HYDIN: variants seen among roughly 807,000 people sequenced by gnomAD.
The protein encoded by HYDIN is axonemal central pair apparatus protein HYDIN.
Under a neutral mutation model 403.9 loss-of-function variants are expected in HYDIN, and 132 were observed. The observed-to-expected ratio is 0.33, with a 90% confidence interval of 0.28 to 0.38. The LOEUF (loss-of-function observed/expected upper bound fraction) is 0.38, where lower values mean the gene tolerates loss of function less well. Ranked by LOEUF, HYDIN falls within the 10% of genes least tolerant of loss-of-function variation. The pLI is 1.00. For synonymous variants in HYDIN, 1,202 were observed against 1,891.7 expected (o/e 0.64, Z 9.46); for missense variants, 2,827 against 5,009.5 (o/e 0.56, Z 13.15).
intron 10 of HYDIN, 46 bp downstream of exon 10, chr16:71,115,650 C>T (rs565553189): frequency 2.3e-6 from 2 of 884,742 alleles, no homozygotes; most frequent in African/African-American, 3.3e-5. Flanking sequence ...ACTTCATGCT[C>T]TGGGTGCCTG....
At chr16:70,976,905 G>A (rs2078904114) in intron 30 of HYDIN, among the ~76,000 whole-genome samples, 2 of 151,776 alleles carry the variant, frequency 1.3e-5, no homozygotes. Flanking sequence ...AGGCACAGGA[G>A]GTGAGAGTGG....
chr16:70,810,025 G>C lies in HYDIN; in HGVS notation c.14659-18C>G. The C allele has an allele frequency of 6.2e-6, 10 of 1,611,434 alleles. No individual in the cohort carries two copies. The highest frequency in any genetic ancestry group is 8.5e-6 in the Non-Finnish European group (10 of 1,177,818). Reference sequence around the variant, plus strand: ...AACGTGCCCTGGAAGAGAAAACAGAGGATCCTGTCATGCTGAAAGGCTAAT... The same window carrying C: ...AACGTGCCCTGGAAGAGAAAACAGACGATCCTGTCATGCTGAAAGGCTAAT... On this transcript the variant is annotated intron_variant, in intron 84 of 85. Transcript: ENST00000393567.
intron 28 of HYDIN, among the ~76,000 whole-genome samples, chr16:70,982,710 T>C (rs974961426): frequency 1.2e-4 from 17 of 147,802 alleles, no homozygotes; most frequent in Non-Finnish European, 1.5e-5. Context: ...TCCTTTTTAG[T>C]TGCTACATAT....
At chr16:70,892,800 T>C (rs28531721) in intron 55 of HYDIN, among the ~76,000 whole-genome samples, 3,625 of 152,266 alleles carry the variant, frequency 0.024, 136 homozygotes, top group African/African-American at 0.082. Context: ...AACAGGGACA[T>C]TGGATATTGA....
intron 4 of HYDIN, 107 bp downstream of exon 4, chr16:71,178,821 G>C: frequency 1.1e-6 from 1 of 910,562 alleles, no homozygotes; most frequent in Middle Eastern, 2.3e-4. Context: ...ATTTTCCTAA[G>C]TCTATCAAAT....
At chr16:71,228,163 A>G (rs1284710011) in intron 1 of HYDIN, among the ~76,000 whole-genome samples, 1 of 152,130 alleles carries the variant, frequency 6.6e-6, no homozygotes, top group Non-Finnish European at 1.5e-5. Context: ...AATTAATTCA[A>G]GATGGATTAA....
intron 1 of HYDIN, among the ~76,000 whole-genome samples, chr16:71,212,999 T>C (rs970966321): frequency 8.5e-5 from 13 of 152,100 alleles, no homozygotes; most frequent in African/African-American, 2.9e-4. Flanking sequence ...AACTTCTCAA[T>C]AGATTGGAAG....
chr16:71,227,793 A>G (rs1302893241), intron 1 of HYDIN, among the ~76,000 whole-genome samples: 1 of 152,250 alleles, frequency 6.6e-6, no homozygotes, highest in Non-Finnish European at 1.5e-5. Flanking sequence ...CTTTATTCAC[A>G]GAATTGGAAA....
In HYDIN at chr16:71,024,879, G is replaced by A. The variant is rs549482282; in HGVS notation, c.3186+504C>T. Reference sequence around the variant, plus strand: ...GCTTAACCTGTATCTCAGTTTCCTCGTGTGCATCACATCACACGTCATTTC... The same window carrying A: ...GCTTAACCTGTATCTCAGTTTCCTCATGTGCATCACATCACACGTCATTTC... On this transcript the variant is annotated intron_variant, in intron 21 of 85. Coordinates refer to ENST00000393567, the MANE Select transcript of HYDIN (RefSeq NM_001270974.2). Among the ~76,000 whole-genome samples, 40 of 152,052 alleles carry A rather than the reference G, an allele frequency of 2.6e-4. 1 individual carries two copies. In the South Asian group the frequency reaches 4.4e-3, roughly 17 times the overall value.
At chr16:71,157,376 T>C (rs1008344051) in intron 6 of HYDIN, among the ~76,000 whole-genome samples, 5 of 152,216 alleles carry the variant, frequency 3.3e-5, no homozygotes, top group African/African-American at 1.2e-4. Context: ...TCTCAGACTA[T>C]ATCCACTGCT....
intron 47 of HYDIN, among the ~76,000 whole-genome samples, chr16:70,917,179 C>T (rs1479222793): frequency 6.6e-6 from 1 of 152,264 alleles, no homozygotes; most frequent in Non-Finnish European, 1.5e-5. Flanking sequence ...ACCTCAACCT[C>T]CCAAAGTGTG....
In HYDIN at chr16:70,920,719, C is replaced by G. The variant is rs1365095297; in HGVS notation, c.7657G>C (p.Glu2553Gln). 1 of 1,592,740 alleles carries G rather than the reference C, an allele frequency of 6.3e-7. No individual in the cohort carries two copies. Among genetic ancestry groups the G allele is most frequent in the Non-Finnish European group, 8.6e-7 (1 of 1,168,766 alleles). ...TCCTTCTTCCCTTCGTGGTCCTCCT[C>G]CCCTTCCCCCTCCCAGTCGCTCCGC... ...EERSDWEGEG[E>Q]EDHEGKKEKD... The change falls in exon 46 of 86, where the codon GAG becomes CAG. Residue 2553 changes from glutamate (E) to glutamine (Q), a missense_variant. Physicochemically the swap from Glu to Gln is conservative, Grantham distance 29. Transcript: ENST00000393567.
intron 47 of HYDIN, among the ~76,000 whole-genome samples, chr16:70,909,993 C>T (rs1034169058): frequency 2.6e-5 from 4 of 152,020 alleles, no homozygotes; most frequent in African/African-American, 9.7e-5. Context: ...CGCCTGGCCT[C>T]AGGCATGTCT....
Position 70,803,469 on chromosome 16 carries a change from G to C in HYDIN, c.*4111C>G, listed in dbSNP as rs1416364445. Among the ~76,000 whole-genome samples the C allele has an allele frequency of 1.3e-5, 2 of 152,186 alleles. No individual in the cohort carries two copies. The highest frequency in any genetic ancestry group is 3.8e-4 in the East Asian group (2 of 5,204). On this transcript the variant is annotated 3_prime_UTR_variant, in exon 86 of 86. Coordinates refer to ENST00000393567, the MANE Select transcript of HYDIN (RefSeq NM_001270974.2). ...TTCTAGACTAGGGGATAACTGATGT[G>C]CCTGACTGCATACTAGTCATTATTT...
In HYDIN at chr16:71,020,289, T is replaced by C. The variant is rs527927096; in HGVS notation, c.3215A>G (p.Tyr1072Cys). The change falls in exon 22 of 86, where the codon TAC (tyrosine) becomes TGC (cysteine). Residue 1072 changes from tyrosine to cysteine, a missense_variant. Tyr to Cys is a radical substitution (Grantham distance 194, BLOSUM62 -2). Coordinates refer to ENST00000393567, the MANE Select transcript of HYDIN (RefSeq NM_001270974.2). ...KKPNSILKPD[Y>C]QPLAIKNIST... is the part of the protein sequence containing the mutation. ...AATGTTCTTTATGGCCAAGGGCTGG[T>C]AATCAGGTTTCAGGATACTGTTAGG... 4 of 1,614,044 alleles carry C rather than the reference T, an allele frequency of 2.5e-6. No homozygotes were observed. The African/African-American group carries it at 4.0e-5, about 16-fold the overall frequency.
Position 70,834,133 on chromosome 16 carries a change from G to A in HYDIN, c.13433C>T (p.Thr4478Ile), listed in dbSNP as rs749235436. The A allele has an allele frequency of 1.9e-5, 31 of 1,613,686 alleles. No individual in the cohort carries two copies. Among genetic ancestry groups the A allele is most frequent in the Admixed American group, 5.0e-5 (3 of 59,990 alleles). The change falls in exon 79 of 86, where the codon ACA becomes ATA. Residue 4478 changes from threonine (T) to isoleucine (I), a missense_variant. Transcript: ENST00000393567. ...TTTACAGACTTCTTTGGGCTTCAGT[G>A]TGATGTTGTGGAAGGGCGCCAGGGT... ...VLTLAPFHNI[T>I]LKPKEVCKLE...
At position 71,184,916 on chromosome 16, in the gene HYDIN, G is replaced by A. The variant is rs775818417; in HGVS notation, c.210C>T (p.Cys70=). 6 of 1,610,572 alleles carry A rather than the reference G, an allele frequency of 3.7e-6. No individual in the cohort carries two copies. The highest frequency in any genetic ancestry group is 5.1e-6 in the Non-Finnish European group (6 of 1,177,650). The change falls in exon 3 of 86, where the codon TGC becomes TGT. Residue 70 remains cysteine, a synonymous_variant. Coordinates refer to ENST00000393567, the MANE Select transcript of HYDIN (RefSeq NM_001270974.2). ...CTAAGAGTTCGATGATCTGTGGTCG[G>A]CACATCAAACGTGTTTTTGCCAGTC... ...EQRLAKTRLM[C]RPQIIELLDM...
intron 71 of HYDIN, among the ~76,000 whole-genome samples, chr16:70,859,288 A>C (rs9934662): frequency 0.042 from 6,309 of 151,880 alleles, 405 homozygotes; most frequent in African/African-American, 0.14. Flanking sequence ...GGGACAGAGC[A>C]AGACTCTGTC....
Position 71,185,008 on chromosome 16 carries a change from A to G in HYDIN, c.136-18T>C, listed in dbSNP as rs777829222. On this transcript the variant is annotated intron_variant, in intron 2 of 85. Coordinates refer to ENST00000393567, the MANE Select transcript of HYDIN (RefSeq NM_001270974.2). ...GGTGTAAGCTAGAATGTAAAACAATAAGAACCAAAGATTCTTAAGTGGATG... is the reference window on the plus strand; with the variant it reads ...GGTGTAAGCTAGAATGTAAAACAATGAGAACCAAAGATTCTTAAGTGGATG... The G allele has an allele frequency of 6.4e-7, 1 of 1,565,458 alleles. No homozygotes were observed. Among genetic ancestry groups the G allele is most frequent in the South Asian group, 1.2e-5 (1 of 84,170 alleles).
Sources: gnomAD v4.1 joint callset for allele counts (sites outside exome capture counted in the v4.1 genomes callset) on GRCh38, gnomAD v4.1.1 for gene constraint, MANE v1.5 for transcripts, NCBI Gene and HGNC (gene_info 2026-07-23, HGNC 2026-07-21) for gene names.